Variants in DST observed in about 807,000 individuals in gnomAD.
The protein encoded by DST is dystonin.
In DST, 253 loss-of-function variants were observed where a neutral mutation model predicts 875.2. That is an observed-to-expected ratio of 0.29 (90% CI 0.26 to 0.32). DST has a LOEUF of 0.32. DST is among the 10% of genes least tolerant of loss of function. DST has a pLI of 1.00. For synonymous variants in DST, 3,124 were observed against 3,197.1 expected (o/e 0.98, Z 0.77); for missense variants, 8,287 against 9,111.6 (o/e 0.91, Z 3.68).
rs141418668 is a variant in DST, at chr6:56,539,942, G to A, written c.16609-3002C>T. ...CCAATATAATGGCTCTTAAATGGCA[G>A]TGTCTTTACCACAATTTGTGTAAAA... On this transcript the variant is annotated intron_variant, in intron 61 of 103. Transcript: ENST00000680361. Among the ~76,000 whole-genome samples, 430 of 152,246 alleles carry A rather than the reference G, an allele frequency of 2.8e-3. 2 individuals carry two copies. The highest frequency in any genetic ancestry group is 9.7e-3 in the African/African-American group (401 of 41,548).
In DST at chr6:56,607,532, G is replaced by A. The variant is rs373771451; in HGVS notation, c.7096C>T (p.Leu2366Phe). 1 of 1,604,584 alleles carries A rather than the reference G, an allele frequency of 6.2e-7. No individual in the cohort carries two copies. The change falls in exon 40 of 104, where the codon CTT becomes TTT. Residue 2366 changes from leucine (L) to phenylalanine (F), a missense_variant. This residue lies in a region of DST where 3,138 missense variants were observed against 3,116.6 expected (regional missense o/e 1.01). Coordinates refer to ENST00000680361, the MANE Select transcript of DST (RefSeq NM_001374736.1). The part of the protein sequence containing the change: ...SMLRSDSENI[L>F]TNYENQSRVE... The stretch of plus-strand genomic sequence containing the variant: ...CGGCTTTGATTTTCATAGTTTGTAA[G>A]TATGTTTTCAGAGTCACTTCTAAGC...
At chr6:56,561,862 G>A (rs1320244774) in intron 56 of DST, among the ~76,000 whole-genome samples, 1 of 151,980 alleles carries the variant, frequency 6.6e-6, no homozygotes, top group South Asian at 2.1e-4. Flanking sequence ...GTCAAATAAC[G>A]TTATCCCAAG....
At chr6:56,703,898 G>A (rs576944907) in intron 6 of DST, among the ~76,000 whole-genome samples, 152 bp from the exon 7 acceptor site, 17 of 150,998 alleles carry the variant, frequency 1.1e-4, no homozygotes, top group South Asian at 4.2e-4. Context: ...TGACACCTGC[G>A]GAATGGGTTA....
chr6:56,610,622 AT>A, intron 38 of DST, 60 bp from the exon 39 acceptor site: 1 of 1,400,912 alleles, frequency 7.1e-7, no homozygotes, highest in Non-Finnish European at 9.6e-7. Context: ...ATAAAGATGT[AT>A]TAGGTTCAAT....
At chr6:56,879,517 T>G (rs1413222564) in intron 3 of DST, among the ~76,000 whole-genome samples, 1 of 152,120 alleles carries the variant, frequency 6.6e-6, no homozygotes, top group Non-Finnish European at 1.5e-5. Context: ...TAGTGGTATG[T>G]CTAGGTTTAT....
intron 37 of DST, among the ~76,000 whole-genome samples, chr6:56,613,600 GCTT>G (rs25573): frequency 0.33 from 50,078 of 151,888 alleles, 8,689 homozygotes; most frequent in Admixed American, 0.4. Flanking sequence ...TGAGAAAAAC[GCTT>G]CTTATCTTAG....
At chr6:56,460,612 GC>G (rs2094280082) in intron 102 of DST, 1 of 163,080 alleles carries the variant, frequency 6.1e-6, no homozygotes, top group Admixed American at 6.1e-5. Context: ...ATGGTGTATT[GC>G]TAAAAAGATG....
At chr6:56,670,373 T>G (rs1290219725) in intron 10 of DST, 1 of 222,270 alleles carries the variant, frequency 4.5e-6, no homozygotes, top group East Asian at 9.4e-5. Context: ...ATTTTTTGTA[T>G]TTTTTTGTAG....
rs1458408976 is a variant in DST at position 56,608,030 on chromosome 6, A to T, written c.6598T>A (p.Leu2200Ile). The T allele has an allele frequency of 6.2e-7, 1 of 1,612,764 alleles. No homozygotes were observed. Among genetic ancestry groups the T allele is most frequent in the Non-Finnish European group, 8.5e-7 (1 of 1,179,282 alleles). The change falls in exon 40 of 104, where the codon TTA (leucine) becomes ATA (isoleucine). Residue 2200 changes from leucine to isoleucine, a missense_variant. Around this residue, in one of 10 missense-constraint regions of DST, gnomAD observed 3,138 missense variants for 3,116.6 expected, o/e 1.01. Transcript: ENST00000680361. ...TTQTSEETKK[L>I]FLSYLMINSY... ...TTTATCATTAAATAAGATAGAAATA[A>T]TTTTTTAGTTTCTTCTGAGGTCTGA...
chr6:56,464,025 A>T, intron 100 of DST: 1 of 535,086 alleles, frequency 1.9e-6, no homozygotes, highest in South Asian at 1.8e-5. Context: ...AGCAAGAATA[A>T]CCACTATTAA....
chr6:56,755,063 T>C (rs559074465), intron 4 of DST, among the ~76,000 whole-genome samples: 21 of 151,776 alleles, frequency 1.4e-4, no homozygotes, highest in African/African-American at 5.1e-4. Flanking sequence ...AGAAAATGTA[T>C]GAAATGTATA....
intron 9 of DST, among the ~76,000 whole-genome samples, chr6:56,683,158 C>T (rs760326259): frequency 2.0e-4 from 31 of 152,186 alleles, no homozygotes; most frequent in Middle Eastern, 6.8e-3. Flanking sequence ...GTCTTATATC[C>T]CCATTTTCTC....
chr6:56,762,254 T>C (rs1189270230), intron 4 of DST, among the ~76,000 whole-genome samples: 1 of 152,204 alleles, frequency 6.6e-6, no homozygotes, highest in Admixed American at 6.5e-5. Flanking sequence ...ACTCCGGACC[T>C]CAGGTGATCC....
At chr6:56,665,451 C>G (rs1254175042) in intron 10 of DST, among the ~76,000 whole-genome samples, 1 of 151,844 alleles carries the variant, frequency 6.6e-6, no homozygotes, top group Non-Finnish European at 1.5e-5. Context: ...CATTGAGCTT[C>G]AAGAATGCGC....
intron 49 of DST, among the ~76,000 whole-genome samples, chr6:56,585,162 A>C (rs1284883755): frequency 6.6e-6 from 1 of 152,244 alleles, no homozygotes; most frequent in Non-Finnish European, 1.5e-5. Context: ...TAGTTTCAGA[A>C]GGAATGGTAC....
intron 3 of DST, among the ~76,000 whole-genome samples, chr6:56,892,871 A>G (rs1788253308): frequency 6.6e-6 from 1 of 152,206 alleles, no homozygotes; most frequent in South Asian, 2.1e-4. Context: ...TGGGCCTCAA[A>G]GAATTCATGG....
At position 56,485,128 on chromosome 6, in the gene DST, C is replaced by A; in HGVS notation, c.21207+184G>T. On this transcript the variant is annotated intron_variant, in intron 88 of 103. Coordinates refer to ENST00000680361, the MANE Select transcript of DST (RefSeq NM_001374736.1). ...ATTTCACTGACACTAAATAATACTT[C>A]CCCATCACTTTTAAAGTTTGCTTCC... 3 of 598,156 alleles carry A rather than the reference C, an allele frequency of 5.0e-6. No homozygotes were observed. The South Asian group carries it at 7.6e-5, about 15-fold the overall frequency. 37.1% of individuals were successfully genotyped at this position (598,156 alleles called of 1,614,324 possible).
Position 56,463,158 on chromosome 6 carries a change from T to C in DST, c.22960-2A>G. 1 of 1,575,558 alleles carries C rather than the reference T, an allele frequency of 6.3e-7. No homozygotes were observed. Among genetic ancestry groups the C allele is most frequent in the Non-Finnish European group, 8.7e-7 (1 of 1,145,286 alleles). On this transcript the variant is annotated splice_acceptor_variant, in intron 101 of 103. Transcript: ENST00000680361. LOFTEE classifies it high-confidence loss of function. ...ATTGCGTGTTAAAGGATGGAGAATC[T>C]GTATGGAACAATGGCAAATCAAATG...
At chr6:56,762,249 G>A (rs1487096052) in intron 4 of DST, among the ~76,000 whole-genome samples, 5 of 152,118 alleles carry the variant, frequency 3.3e-5, no homozygotes, top group South Asian at 2.1e-4. Context: ...CTCGAACTCC[G>A]GACCTCAGGT....
Sources: gnomAD v4.1 joint callset for allele counts (sites outside exome capture counted in the v4.1 genomes callset) on GRCh38, gnomAD v4.1.1 for gene constraint, gnomAD v4.1.1 regional missense constraint, MANE v1.5 for transcripts, NCBI Gene and HGNC (gene_info 2026-07-23, HGNC 2026-07-21) for gene names.